Variants in ROBO2 observed in about 807,000 individuals in gnomAD.
ROBO2 encodes the protein roundabout homolog 2.
In ROBO2, 53 loss-of-function variants were observed where a neutral mutation model predicts 160.8. That is an observed-to-expected ratio of 0.33 (90% confidence interval 0.26 to 0.41). The LOEUF is 0.41. Ranked by LOEUF, ROBO2 falls within the 10% of genes least tolerant of loss-of-function variation. ROBO2 has a pLI of 1.00. For synonymous variants in ROBO2, 664 were observed against 611.7 expected (o/e 1.09, Z -1.26); for missense variants, 1,577 against 1,722.4 (o/e 0.92, Z 1.49).
chr3:77,599,931 G>T (rs1276215498), intron 19 of ROBO2, among the ~76,000 whole-genome samples: 1 of 152,110 alleles, frequency 6.6e-6, no homozygotes, highest in Non-Finnish European at 1.5e-5. Context: ...ACAGTCATTT[G>T]TACAGATAAT....
chr3:76,175,743 T>G (rs1242160353), intron 2 of ROBO2, among the ~76,000 whole-genome samples: 3 of 152,280 alleles, frequency 2.0e-5, no homozygotes, highest in East Asian at 3.9e-4. Context: ...CTGTATTTAT[T>G]GAAAACTTCT....
At chr3:76,648,658 A>G (rs1298307649) in intron 2 of ROBO2, among the ~76,000 whole-genome samples, 1 of 152,172 alleles carries the variant, frequency 6.6e-6, no homozygotes, top group Non-Finnish European at 1.5e-5. Context: ...TAAGTAAATC[A>G]TAAATAAATA....
intron 23 of ROBO2, among the ~76,000 whole-genome samples, chr3:77,625,495 A>G (rs892016811): frequency 6.6e-6 from 1 of 151,772 alleles, no homozygotes; most frequent in Non-Finnish European, 1.5e-5. Flanking sequence ...CTCGTGCCTC[A>G]GCCTCCTGAG....
At chr3:77,451,716 C>T (rs2081128834) in intron 2 of ROBO2, among the ~76,000 whole-genome samples, 1 of 151,774 alleles carries the variant, frequency 6.6e-6, no homozygotes, top group African/African-American at 2.4e-5. Context: ...TCTACTCTTT[C>T]TTTTTTTTGT....
chr3:76,973,481 A>G (rs2059669479), intron 2 of ROBO2, among the ~76,000 whole-genome samples: 1 of 152,076 alleles, frequency 6.6e-6, no homozygotes, highest in Admixed American at 6.6e-5. Flanking sequence ...TAATTATAAT[A>G]TTCATATCAT....
At chr3:76,740,890 T>C (rs1054412070) in intron 2 of ROBO2, among the ~76,000 whole-genome samples, 2 of 152,112 alleles carry the variant, frequency 1.3e-5, no homozygotes, top group African/African-American at 4.8e-5. Flanking sequence ...AAAATAGTTA[T>C]TCTGTTTTGG....
At chr3:77,026,816 A>G (rs1320905132) in intron 2 of ROBO2, among the ~76,000 whole-genome samples, 3 of 152,210 alleles carry the variant, frequency 2.0e-5, no homozygotes, top group Non-Finnish European at 2.9e-5. Flanking sequence ...AGTGAATTGA[A>G]TGAATTATCA....
chr3:75,995,295 C>G (rs557621892), intron 2 of ROBO2, among the ~76,000 whole-genome samples: 1 of 152,046 alleles, frequency 6.6e-6, no homozygotes, highest in African/African-American at 2.4e-5. Context: ...ACCTTGCTGC[C>G]GTGTACAGTC....
chr3:76,026,979 C>CT (rs148573660), intron 2 of ROBO2, among the ~76,000 whole-genome samples: 1 of 152,018 alleles, frequency 6.6e-6, no homozygotes, highest in Non-Finnish European at 1.5e-5. Context: ...ACAGAGATGT[C>CT]TGAGGACTGC....
intron 2 of ROBO2, among the ~76,000 whole-genome samples, chr3:76,032,070 C>G (rs1215766173): frequency 6.6e-6 from 1 of 152,112 alleles, no homozygotes; most frequent in Non-Finnish European, 1.5e-5. Context: ...CAACTTCTTC[C>G]TGGTTTAGTC....
At chr3:76,274,987 T>C (rs1380608448) in intron 2 of ROBO2, among the ~76,000 whole-genome samples, 1 of 152,156 alleles carries the variant, frequency 6.6e-6, no homozygotes, top group Non-Finnish European at 1.5e-5. Context: ...GTAAAGAAAT[T>C]CTAACATATA....
intron 2 of ROBO2, chr3:76,434,312 G>A: frequency 9.1e-7 from 1 of 1,103,588 alleles, no homozygotes; most frequent in Non-Finnish European, 1.4e-6. Context: ...CCAATTTGTT[G>A]GCACCCATCT....
chr3:77,568,526 A>C (rs907390388), intron 13 of ROBO2, 92 bp downstream of exon 14: 22 of 1,456,766 alleles, frequency 1.5e-5, no homozygotes, highest in Admixed American at 3.4e-5. Flanking sequence ...TGATAATAAA[A>C]ATTCCCGCCA....
At chr3:77,085,310 A>T (rs2069163164) in intron 1 of ROBO2, among the ~76,000 whole-genome samples, 1 of 152,140 alleles carries the variant, frequency 6.6e-6, no homozygotes, top group Admixed American at 6.6e-5. Flanking sequence ...ATACAACTCC[A>T]AAATTTTCTA....
chr3:77,200,016 A>G (rs1253460873), intron 2 of ROBO2, among the ~76,000 whole-genome samples: 1 of 151,492 alleles, frequency 6.6e-6, no homozygotes, highest in Non-Finnish European at 1.5e-5. Flanking sequence ...GCATGCAACA[A>G]GTAAGTGAAT....
chr3:75,994,550 G>A (rs1045185891), intron 2 of ROBO2, among the ~76,000 whole-genome samples: 1 of 152,148 alleles, frequency 6.6e-6, no homozygotes, highest in African/African-American at 2.4e-5. Flanking sequence ...TTGAAGAAGT[G>A]GCTTCCACCA....
At chr3:77,130,991 G>A (rs972332204) in intron 2 of ROBO2, among the ~76,000 whole-genome samples, 6 of 152,090 alleles carry the variant, frequency 3.9e-5, no homozygotes, top group African/African-American at 1.2e-4. Flanking sequence ...TCTTATTAGA[G>A]TATTAGAATT....
chr3:77,529,686 G>T (rs1000032072), intron 6 of ROBO2, among the ~76,000 whole-genome samples: 1 of 151,738 alleles, frequency 6.6e-6, no homozygotes, highest in Non-Finnish European at 1.5e-5. Context: ...TTTTATTCCC[G>T]TTTGAAATGA....
chr3:77,255,350 T>C lies in ROBO2; in HGVS notation c.388+157010T>C, dbSNP rs563800010. On this transcript the variant is annotated intron_variant, in intron 2 of 25. Coordinates refer to ENST00000461745, the Ensembl canonical transcript of ROBO2. ...TGAAGTTTTAAAACCAATTCAACTA[T>C]GAGTAGATGTCATGTAGGCAGGGAA... Among the ~76,000 whole-genome samples, 14 of 152,320 alleles carry C rather than the reference T, an allele frequency of 9.2e-5. 1 individual carries two copies. Among genetic ancestry groups the C allele is most frequent in the African/African-American group, 3.4e-4 (14 of 41,584 alleles).
Sources: gnomAD v4.1 joint callset for allele counts (sites outside exome capture counted in the v4.1 genomes callset) on GRCh38, gnomAD v4.1.1 for gene constraint, MANE v1.5 for transcripts, NCBI Gene and HGNC (gene_info 2026-07-23, HGNC 2026-07-21) for gene names.